The following ABLIM1 variants were observed in gnomAD, a reference collection of about 807,000 sequenced individuals.
ABLIM1 encodes the protein actin binding LIM protein 1, also known as actin-binding LIM protein 1.
Under a neutral mutation model 107.0 loss-of-function variants are expected in ABLIM1, and 40 were observed. That is an observed-to-expected ratio of 0.37 (90% CI 0.29 to 0.49). The LOEUF (loss-of-function observed/expected upper bound fraction) is 0.49, where lower values mean the gene tolerates loss of function less well. Among genes scored for constraint, ABLIM1 ranks in the 20% least tolerant of loss-of-function variants. The probability of loss-of-function intolerance (pLI) is 0.97; values close to 1 mark genes in which losing one functional copy is unlikely to be tolerated. For synonymous variants in ABLIM1, 357 were observed against 357.3 expected (o/e 1.00, Z 0.01); for missense variants, 857 against 1,008.5 (o/e 0.85, Z 2.04).
intron 14 of ABLIM1, among the ~76,000 whole-genome samples, chr10:114,448,235 A>G (rs1050803779): frequency 6.6e-6 from 1 of 152,212 alleles, no homozygotes; most frequent in African/African-American, 2.4e-5. Context: ...GCTTCATTCT[A>G]CATGTGTTCT....
At chr10:114,665,497 A>T (rs1356712536) in intron 1 of ABLIM1, among the ~76,000 whole-genome samples, 1 of 152,240 alleles carries the variant, frequency 6.6e-6, no homozygotes, top group African/African-American at 2.4e-5. Context: ...ACGTCAAAGG[A>T]CATGGAGAAG....
intron 14 of ABLIM1, chr10:114,450,259 T>C (rs10885568): frequency 0.16 from 29,109 of 179,966 alleles, 2,720 homozygotes; most frequent in African/African-American, 0.24. Flanking sequence ...AAAGCAAGCG[T>C]ATGGTTTAAA....
At chr10:114,589,213 G>T (rs2074547893) in intron 2 of ABLIM1, among the ~76,000 whole-genome samples, 1 of 146,728 alleles carries the variant, frequency 6.8e-6, no homozygotes, top group Non-Finnish European at 1.5e-5. Flanking sequence ...GTGTGTGTGT[G>T]TGTGTTTTTT....
At chr10:114,478,374 T>C (rs1482132422) in intron 8 of ABLIM1, among the ~76,000 whole-genome samples, 2 of 152,204 alleles carry the variant, frequency 1.3e-5, no homozygotes. Context: ...TGTTGAGAAA[T>C]GCCCTGATGT....
intron 1 of ABLIM1, among the ~76,000 whole-genome samples, chr10:114,718,875 C>T (rs184889927): frequency 2.9e-4 from 44 of 152,142 alleles, no homozygotes; most frequent in Non-Finnish European, 5.9e-5. Context: ...GATAAATATG[C>T]GTATACATGT....
At position 114,468,185 on chromosome 10, in the gene ABLIM1, G is replaced by T; in HGVS notation, c.1307C>A (p.Ala436Glu). 6.2e-7 allele frequency: 1 copy of T among 1,612,910 alleles called. No homozygotes were observed. Among genetic ancestry groups the T allele is most frequent in the East Asian group, 2.2e-5 (1 of 44,886 alleles). Residue 436 changes from alanine (A) to glutamate (E), a missense_variant, in exon 11 of 23, where the codon GCA becomes GAA. Physicochemically the swap from Ala to Glu is moderately radical, Grantham distance 107. Coordinates refer to ENST00000533213, the MANE Select transcript of ABLIM1 (RefSeq NM_002313.7). ...SPRTLSPTPSAEGYQDVRDRM... is the reference protein window; with the variant it reads ...SPRTLSPTPSEEGYQDVRDRM... ...ATAAAAAGAAATGGTACTTACTTCT[G>T]CTGATGGAGTAGGAGACAAAGTCCT...
intron 11 of ABLIM1, 129 bp from the exon 12 acceptor site, chr10:114,465,956 T>C: frequency 9.0e-7 from 1 of 1,106,442 alleles, no homozygotes; most frequent in South Asian, 1.8e-5. Context: ...CACTTATTTT[T>C]ATGTGCAAAT....
At chr10:114,541,934 A>C (rs2066713613) in intron 6 of ABLIM1, among the ~76,000 whole-genome samples, 2 of 151,906 alleles carry the variant, frequency 1.3e-5, no homozygotes, top group Admixed American at 6.6e-5. Flanking sequence ...TCACACACTC[A>C]GACACACACA....
Position 114,447,973 on chromosome 10 carries a change from A to G in ABLIM1, c.1642T>C (p.Ser548Pro). ...SKSSEDIIKF[S>P]KFPAAQAPDP... is the part of the protein sequence containing the mutation. Reference sequence around the variant, plus strand: ...GGTGCCTGGGCTGCTGGGAACTTGGAAAACTTGATGATATCTTCTGAGGAC... The same window carrying G: ...GGTGCCTGGGCTGCTGGGAACTTGGGAAACTTGATGATATCTTCTGAGGAC... The change falls in exon 15 of 23, where the codon TCC becomes CCC. Residue 548 changes from serine (S) to proline (P), a missense_variant. Ser to Pro is a moderately conservative substitution (Grantham distance 74). Transcript: ENST00000533213. 6.2e-7 allele frequency: 1 copy of G among 1,614,112 alleles called. No homozygotes were observed. The highest frequency in any genetic ancestry group is 8.5e-7 in the Non-Finnish European group (1 of 1,180,022).
intron 10 of ABLIM1, among the ~76,000 whole-genome samples, chr10:114,469,200 T>C (rs1206186393): frequency 6.6e-6 from 1 of 152,118 alleles, no homozygotes; most frequent in Non-Finnish European, 1.5e-5. Flanking sequence ...TACTGAAACA[T>C]AGGATCTTGT....
chr10:114,451,628 C>T lies in ABLIM1; in HGVS notation c.1590G>A (p.Gln530=). The change falls in exon 14 of 23, where the codon CAG becomes CAA. Residue 530 remains glutamine (Q), a synonymous_variant. Transcript: ENST00000533213. ...NIYRKPPIYK[Q]HAALAAQSKS... ...GCGGAGGAAAGCGGGTTTTACCATG[C>T]TGTTTGTAGATGGGTGGCTTTCGGT... 3 of 1,613,198 alleles carry T rather than the reference C, an allele frequency of 1.9e-6. No homozygotes were observed. The highest frequency in any genetic ancestry group is 2.5e-6 in the Non-Finnish European group (3 of 1,179,284).
intron 2 of ABLIM1, among the ~76,000 whole-genome samples, chr10:114,596,905 G>C (rs1041217069): frequency 6.6e-6 from 1 of 152,114 alleles, no homozygotes; most frequent in Non-Finnish European, 1.5e-5. Context: ...GAAATAGAAG[G>C]CTTTGTTGAC....
intron 6 of ABLIM1, among the ~76,000 whole-genome samples, chr10:114,495,314 A>C (rs1565607280): frequency 6.6e-6 from 1 of 152,212 alleles, no homozygotes; most frequent in East Asian, 1.9e-4. Flanking sequence ...CCCAGCCCGT[A>C]CTGGAAATGG....
rs569177398 is a variant in ABLIM1 at position 114,553,608 on chromosome 10, C to A, written c.674-5832G>T. On this transcript the variant is annotated intron_variant, in intron 4 of 22. Transcript: ENST00000533213. ...CCCCTCTGCTCTGCTGCAAGGGTTA[C>A]AGGATCCTGTTAGAAGGAGGAACAG... Among the ~76,000 whole-genome samples, 30 of 152,320 alleles carry A rather than the reference C, an allele frequency of 2.0e-4. No homozygotes were observed. In the South Asian group the frequency reaches 4.3e-3, roughly 22 times the overall value.
intron 1 of ABLIM1, among the ~76,000 whole-genome samples, chr10:114,655,992 C>T (rs1372147836): frequency 2.0e-5 from 3 of 152,090 alleles, no homozygotes; most frequent in East Asian, 1.9e-4. Context: ...CAGATAAGGC[C>T]GGGCGCGGTG....
intron 6 of ABLIM1, chr10:114,526,685 AAT>A (rs1234349485): frequency 2.0e-6 from 2 of 985,472 alleles, no homozygotes; most frequent in African/African-American, 3.5e-5. Flanking sequence ...CTTTTCTTCT[AAT>A]TCTGTTCCTT....
chr10:114,711,521 A>T (rs569047463), intron 1 of ABLIM1, among the ~76,000 whole-genome samples: 2 of 150,258 alleles, frequency 1.3e-5, no homozygotes, highest in East Asian at 3.9e-4. Flanking sequence ...CATATCAGCC[A>T]GAGTCTTGGC....
chr10:114,590,901 A>G (rs1378564980), intron 2 of ABLIM1, among the ~76,000 whole-genome samples: 1 of 152,012 alleles, frequency 6.6e-6, no homozygotes, highest in East Asian at 1.9e-4. Context: ...TTATCAAGGA[A>G]CCCTCCTTTT....
At chr10:114,541,745 A>C (rs1036832805) in intron 6 of ABLIM1, among the ~76,000 whole-genome samples, 4 of 152,340 alleles carry the variant, frequency 2.6e-5, no homozygotes, top group Admixed American at 6.5e-5. Context: ...CAATTTGAGA[A>C]GAGGTCTCTG....
Sources: allele counts gnomAD v4.1 joint callset (sites outside exome capture counted in the v4.1 genomes callset), GRCh38; gene constraint gnomAD v4.1.1; transcripts MANE v1.5; gene names NCBI Gene and HGNC (gene_info 2026-07-23, HGNC 2026-07-21).